MGMT: variants seen among roughly 807,000 people sequenced by gnomAD.
MGMT encodes O-6-methylguanine-DNA methyltransferase.
A neutral mutation model predicts 15.9 loss-of-function variants in MGMT; 14 were observed. That is an observed-to-expected ratio of 0.88 (90% CI 0.58 to 1.37). MGMT has a LOEUF of 1.37. MGMT is among the 40% of genes most tolerant of loss of function. MGMT has a pLI of 0.00. For missense variants in MGMT, 282 were observed against 268.1 expected (o/e 1.05, Z -0.36); for synonymous variants, 130 against 118.2 (o/e 1.10, Z -0.65).
At chr10:129,482,384 G>A (rs1355063873) in intron 1 of MGMT, among the ~76,000 whole-genome samples, 2 of 152,110 alleles carry the variant, frequency 1.3e-5, no homozygotes, top group Non-Finnish European at 2.9e-5. Flanking sequence ...ATACTCTGTG[G>A]TTCTTGGGTG....
chr10:129,747,559 C>T (rs1848708512), intron 3 of MGMT, among the ~76,000 whole-genome samples: 2 of 152,164 alleles, frequency 1.3e-5, no homozygotes. Flanking sequence ...TTCTCTGATA[C>T]TGCACACCTA....
rs555140429 is a variant in MGMT, at chr10:129,690,997, G to A, written c.126-16898G>A. ...ATGTGACTGGAGTGTGAAGAGGCCA[G>A]TTTAGAGGCTCTGGAGGTTGTTCAG... On this transcript the variant is annotated intron_variant, in intron 2 of 4. Coordinates refer to ENST00000651593, the MANE Select transcript of MGMT (RefSeq NM_002412.5). Among the ~76,000 whole-genome samples, 3 of 152,322 alleles carry A rather than the reference G, an allele frequency of 2.0e-5. No homozygotes were observed. The East Asian group carries it at 5.8e-4, about 29-fold the overall frequency.
intron 3 of MGMT, among the ~76,000 whole-genome samples, chr10:129,758,669 C>T (rs760520665): frequency 1.3e-5 from 2 of 152,176 alleles, no homozygotes; most frequent in Non-Finnish European, 2.9e-5. Flanking sequence ...CACCGCCAGC[C>T]CCTGCGTACT....
chr10:129,701,442 TAAATC>T (rs1407056264), intron 2 of MGMT: 4 of 152,290 alleles, frequency 2.6e-5, no homozygotes, highest in South Asian at 2.1e-4. Context: ...CCGATTTTCT[TAAATC>T]AAACAGGATT....
chr10:129,601,369 T>C (rs371849985), intron 2 of MGMT, among the ~76,000 whole-genome samples: 6 of 152,356 alleles, frequency 3.9e-5, no homozygotes, highest in East Asian at 3.9e-4. Flanking sequence ...TTATGTCTTC[T>C]GTTTAATCAG....
intron 2 of MGMT, among the ~76,000 whole-genome samples, chr10:129,550,111 T>C (rs368047784): frequency 3.3e-4 from 51 of 152,360 alleles, no homozygotes; most frequent in African/African-American, 1.2e-3. Context: ...TAAAAATATG[T>C]CACTTAAGGT....
chr10:129,725,702 C>G (rs915156080), intron 3 of MGMT, among the ~76,000 whole-genome samples: 3 of 152,224 alleles, frequency 2.0e-5, no homozygotes, highest in Non-Finnish European at 1.5e-5. Context: ...GATGCAGATG[C>G]CCAGATTGGA....
intron 3 of MGMT, 131 bp downstream of exon 3, chr10:129,708,174 G>A (rs1463243314): frequency 7.7e-7 from 1 of 1,296,294 alleles, no homozygotes; most frequent in Non-Finnish European, 1.1e-6. Context: ...GGCAGCGTTT[G>A]GCCGAGCTGG....
rs1846042545 is a variant in MGMT, at chr10:129,541,528, C to T, written c.125+5151C>T. On this transcript the variant is annotated intron_variant, in intron 2 of 4. Transcript: ENST00000651593. The stretch of plus-strand genomic sequence containing the variant: ...TTTAGTTTTCCATAATGTTGATTGC[C>T]GTATTTGATTACTTGAAAAAATGGA... 2.6e-5 allele frequency among the ~76,000 whole-genome samples: 4 copies of T among 152,050 alleles called. No homozygotes were observed. The South Asian group carries it at 8.3e-4, about 32-fold the overall frequency.
chr10:129,593,454 C>T (rs1458720144), intron 2 of MGMT, among the ~76,000 whole-genome samples: 1 of 152,160 alleles, frequency 6.6e-6, no homozygotes, highest in Admixed American at 6.5e-5. Flanking sequence ...AGTGGCCAGC[C>T]CCGTGTTGCC....
intron 1 of MGMT, among the ~76,000 whole-genome samples, chr10:129,524,023 G>A (rs1247781589): frequency 6.6e-6 from 1 of 152,210 alleles, no homozygotes; most frequent in Admixed American, 6.5e-5. Flanking sequence ...ATTGTGACCT[G>A]TGTTGAAGAC....
chr10:129,481,197 G>A (rs1224370826), intron 1 of MGMT, among the ~76,000 whole-genome samples: 1 of 152,222 alleles, frequency 6.6e-6, no homozygotes, highest in Non-Finnish European at 1.5e-5. Context: ...GCCATAGTTT[G>A]TGCAGGTGCC....
intron 2 of MGMT, among the ~76,000 whole-genome samples, chr10:129,544,662 G>C (rs1201488962): frequency 1.3e-5 from 2 of 150,736 alleles, no homozygotes; most frequent in Admixed American, 1.3e-4. Context: ...GTCTGGCCCT[G>C]TGGACCCCTG....
chr10:129,747,883 A>G (rs989870005), intron 3 of MGMT, among the ~76,000 whole-genome samples: 7 of 152,158 alleles, frequency 4.6e-5, no homozygotes, highest in South Asian at 2.1e-4. Context: ...GGAATGTTTT[A>G]TGCTTTTCTC....
intron 2 of MGMT, among the ~76,000 whole-genome samples, chr10:129,608,403 C>T (rs1846918636): frequency 6.6e-6 from 1 of 152,192 alleles, no homozygotes; most frequent in African/African-American, 2.4e-5. Flanking sequence ...TTTCTCATTA[C>T]AAGATGTACT....
At position 129,675,186 on chromosome 10, in the gene MGMT, G is replaced by A. The variant is rs533712812; in HGVS notation, c.126-32709G>A. ...AGGGCCAGGCGGGAGCAAGGGCCCAGCACACTGGGAGGTTTGAGAGGGTGT... is the reference window on the plus strand; with the variant it reads ...AGGGCCAGGCGGGAGCAAGGGCCCAACACACTGGGAGGTTTGAGAGGGTGT... On this transcript the variant is annotated intron_variant, in intron 2 of 4. Transcript: ENST00000651593. Among the ~76,000 whole-genome samples the A allele has an allele frequency of 2.0e-5, 3 of 152,310 alleles. No individual in the cohort carries two copies. In the East Asian group the frequency reaches 5.8e-4, roughly 30 times the overall value.
At chr10:129,734,295 C>T (rs2133165365) in intron 3 of MGMT, among the ~76,000 whole-genome samples, 1 of 138,450 alleles carries the variant, frequency 7.2e-6, no homozygotes, top group South Asian at 2.4e-4. Context: ...AAGTTGGATT[C>T]CTAGGTATTT....
rs1390314338 is a variant in MGMT, at chr10:129,532,889, A to C, written c.-12-3352A>C. ...CCCACATGGGGCACTCCCCAGTCCG[A>C]ATGTCTGCAGTGCAGCTTCAGGCGC... is the stretch of plus-strand genomic sequence containing the variant. On this transcript the variant is annotated intron_variant, in intron 1 of 4. Transcript: ENST00000651593. The surrounding 1 kb of genome is among the most constrained non-coding windows in gnomAD (Gnocchi z 5.3). Among the ~76,000 whole-genome samples the C allele has an allele frequency of 6.6e-6, 1 of 152,154 alleles. No homozygotes were observed. Among genetic ancestry groups the C allele is most frequent in the Non-Finnish European group, 1.5e-5 (1 of 68,022 alleles).
intron 2 of MGMT, among the ~76,000 whole-genome samples, chr10:129,639,443 A>G (rs1847302209): frequency 6.6e-6 from 1 of 152,240 alleles, no homozygotes; most frequent in Non-Finnish European, 1.5e-5. Context: ...ACCATTTCTT[A>G]CTGATCAACA....
Sources: allele counts gnomAD v4.1 joint callset (sites outside exome capture counted in the v4.1 genomes callset), GRCh38; gene constraint gnomAD v4.1.1; non-coding constraint Gnocchi (gnomAD v3.1); transcripts MANE v1.5; gene names NCBI Gene and HGNC (gene_info 2026-07-23, HGNC 2026-07-21).